Variants in KCNH7 observed in about 807,000 individuals in gnomAD.
KCNH7 encodes the protein potassium voltage-gated channel subfamily H member 7, also known as voltage-gated inwardly rectifying potassium channel KCNH7.
KCNH7 carries 49 observed loss-of-function variants against 120.8 expected under a neutral mutation model. That is an observed-to-expected ratio of 0.41 (90% CI 0.32 to 0.51). KCNH7 has a LOEUF of 0.51. Among genes scored for constraint, KCNH7 ranks in the 20% least tolerant of loss-of-function variants. The pLI, the probability that KCNH7 is intolerant of heterozygous loss-of-function variation, is 0.38. For synonymous variants in KCNH7, 547 were observed against 516.1 expected (o/e 1.06, Z -0.81); for missense variants, 1,097 against 1,446.6 (o/e 0.76, Z 3.92).
intron 2 of KCNH7, among the ~76,000 whole-genome samples, chr2:162,748,863 T>TCCCCTCCC (rs1335417092): frequency 6.1e-5 from 2 of 32,816 alleles, no homozygotes; most frequent in African/African-American, 2.9e-4. Flanking sequence ...TCCCCTTCCC[T>TCCCCTCCC]CCCCTCCCCC....
intron 2 of KCNH7, among the ~76,000 whole-genome samples, chr2:162,748,979 C>CCTTCCCTTTCCT (rs1688447399): frequency 7.3e-6 from 1 of 136,830 alleles, no homozygotes; most frequent in Non-Finnish European, 1.5e-5. Flanking sequence ...TCCTTCCTTC[C>CCTTCCCTTTCCT]TTCCTTCCTT....
intron 2 of KCNH7, among the ~76,000 whole-genome samples, chr2:162,727,019 A>T (rs527637109): frequency 1.3e-5 from 2 of 152,128 alleles, no homozygotes; most frequent in African/African-American, 4.8e-5. Context: ...TTTTCAGTAG[A>T]TAGGGTTGTT....
chr2:162,613,296 A>C (rs201993843), intron 2 of KCNH7, among the ~76,000 whole-genome samples: 2 of 152,190 alleles, frequency 1.3e-5, no homozygotes, highest in South Asian at 2.1e-4. Flanking sequence ...GATAGCATCA[A>C]TAGAAGTCAG....
At chr2:162,829,103 A>G (rs1284842885) in intron 2 of KCNH7, among the ~76,000 whole-genome samples, 1 of 152,132 alleles carries the variant, frequency 6.6e-6, no homozygotes, top group Non-Finnish European at 1.5e-5. Context: ...AGCCATGAGA[A>G]CCTGGAATTC....
intron 6 of KCNH7, among the ~76,000 whole-genome samples, chr2:162,458,849 C>T (rs937479820): frequency 3.3e-5 from 5 of 151,640 alleles, no homozygotes; most frequent in African/African-American, 9.7e-5. Context: ...ACAAAAAATA[C>T]AAAACAATTA....
intron 2 of KCNH7, among the ~76,000 whole-genome samples, chr2:162,589,301 G>T (rs564405796): frequency 6.6e-6 from 1 of 151,978 alleles, no homozygotes; most frequent in Non-Finnish European, 1.5e-5. Context: ...CACTTCTGTA[G>T]AAGGCAGTCT....
At chr2:162,580,426 G>A (rs188271184) in intron 2 of KCNH7, among the ~76,000 whole-genome samples, 24 of 152,024 alleles carry the variant, frequency 1.6e-4, no homozygotes, top group Middle Eastern at 6.8e-3. Flanking sequence ...ATAAACATTG[G>A]GCTCACTATA....
At position 162,715,175 on chromosome 2, in the gene KCNH7, C is replaced by T. The variant is rs2105364384; in HGVS notation, c.307+121362G>A. Among the ~76,000 whole-genome samples the T allele has an allele frequency of 3.3e-5, 5 of 152,242 alleles. No homozygotes were observed. The Middle Eastern group carries it at 0.017, about 518-fold the overall frequency. On this transcript the variant is annotated intron_variant, in intron 2 of 15. Transcript: ENST00000332142. ...GAGGCTTAATTGGCTGATGGTTCTG[C>T]AAGCTGTACAGGAAGCATCTGTTTC... is the stretch of plus-strand genomic sequence containing the variant.
intron 9 of KCNH7, among the ~76,000 whole-genome samples, chr2:162,409,741 T>C (rs1301065356): frequency 6.6e-6 from 1 of 151,954 alleles, no homozygotes; most frequent in Non-Finnish European, 1.5e-5. Flanking sequence ...ACTTTCAGGA[T>C]ACAAAATCAA....
At chr2:162,620,774 T>A (rs1030705249) in intron 2 of KCNH7, among the ~76,000 whole-genome samples, 6 of 152,176 alleles carry the variant, frequency 3.9e-5, no homozygotes, top group Non-Finnish European at 8.8e-5. Flanking sequence ...TTTTCTTGCA[T>A]CTTTTTTTAG....
intron 6 of KCNH7, among the ~76,000 whole-genome samples, chr2:162,477,557 A>C (rs901436775): frequency 6.6e-6 from 1 of 152,246 alleles, no homozygotes; most frequent in African/African-American, 2.4e-5. Context: ...CCCTAAAAAA[A>C]AGCAGGTTGT....
chr2:162,627,682 G>A (rs548985065), intron 2 of KCNH7, among the ~76,000 whole-genome samples: 1 of 152,104 alleles, frequency 6.6e-6, no homozygotes, highest in Admixed American at 6.6e-5. Flanking sequence ...AACTTGTGGT[G>A]GCTCAGTGGT....
chr2:162,565,495 AC>A (rs1693221623), intron 2 of KCNH7, among the ~76,000 whole-genome samples: 1 of 152,090 alleles, frequency 6.6e-6, no homozygotes, highest in Non-Finnish European at 1.5e-5. Context: ...CCAAAGGATG[AC>A]AGTTTTTACT....
intron 2 of KCNH7, among the ~76,000 whole-genome samples, chr2:162,776,007 C>T (rs927632927): frequency 6.6e-6 from 1 of 152,126 alleles, no homozygotes. Context: ...ATGGACTGTG[C>T]ATGAAACAAC....
intron 2 of KCNH7, among the ~76,000 whole-genome samples, chr2:162,572,090 AC>A (rs1243908300): frequency 6.6e-6 from 1 of 152,054 alleles, no homozygotes; most frequent in Non-Finnish European, 1.5e-5. Context: ...AAAAGAAACT[AC>A]CATCAGGGTG....
At chr2:162,720,087 T>C (rs1687275598) in intron 2 of KCNH7, among the ~76,000 whole-genome samples, 1 of 152,026 alleles carries the variant, frequency 6.6e-6, no homozygotes, top group Non-Finnish European at 1.5e-5. Context: ...CAAGTATTTT[T>C]ACTTGCACAC....
chr2:162,689,219 C>T (rs942121605), intron 2 of KCNH7, among the ~76,000 whole-genome samples: 2 of 151,984 alleles, frequency 1.3e-5, no homozygotes, highest in Admixed American at 6.6e-5. Context: ...GGCACGATCT[C>T]GGCTCACTGC....
chr2:162,521,981 G>C (rs928923860), intron 3 of KCNH7, among the ~76,000 whole-genome samples: 2 of 151,784 alleles, frequency 1.3e-5, no homozygotes, highest in Admixed American at 6.6e-5. Context: ...ACATGACAAT[G>C]TGCAGACAAA....
intron 2 of KCNH7, among the ~76,000 whole-genome samples, chr2:162,681,420 T>TA (rs1685706249): frequency 6.6e-6 from 1 of 151,754 alleles, no homozygotes; most frequent in East Asian, 1.9e-4. Flanking sequence ...TGGTGATGAT[T>TA]ACACGAGGTG....
Sources: gnomAD v4.1 joint callset for allele counts (sites outside exome capture counted in the v4.1 genomes callset) on GRCh38, gnomAD v4.1.1 for gene constraint, MANE v1.5 for transcripts, NCBI Gene and HGNC (gene_info 2026-07-23, HGNC 2026-07-21) for gene names.